GALNTL6: variants seen among roughly 807,000 people sequenced by gnomAD.
The protein encoded by GALNTL6 is polypeptide N-acetylgalactosaminyltransferase-like 6.
Under a neutral mutation model 73.7 loss-of-function variants are expected in GALNTL6, and 46 were observed. That is an observed-to-expected ratio of 0.62 (90% CI 0.49 to 0.80). The LOEUF is 0.80. GALNTL6 is among the 30% of genes least tolerant of loss of function. GALNTL6 has a pLI of 0.00. For missense variants in GALNTL6, 604 were observed against 755.0 expected (o/e 0.80, Z 2.34); for synonymous variants, 259 against 263.7 (o/e 0.98, Z 0.17).
chr4:172,694,051 G>A lies in GALNTL6; in HGVS notation c.554-115310G>A, dbSNP rs141314809. Among the ~76,000 whole-genome samples, 303 of 151,812 alleles carry A rather than the reference G, an allele frequency of 2.0e-3. 2 individuals are homozygous for A. Among genetic ancestry groups the A allele is most frequent in the African/African-American group, 6.7e-3 (279 of 41,352 alleles). ...AACCTTTTCAATGAAATTAGCCTGC[G>A]TACTGAGGGCCAAGAAGTATTGGTT... On this transcript the variant is annotated intron_variant, in intron 5 of 12. Coordinates refer to ENST00000506823, the MANE Select transcript of GALNTL6 (RefSeq NM_001034845.3).
chr4:172,694,705 A>G, intron 5 of GALNTL6, among the ~76,000 whole-genome samples: 1 of 152,222 alleles, frequency 6.6e-6, no homozygotes, highest in East Asian at 1.9e-4. Flanking sequence ...TTATTTCCTC[A>G]TAGCTGAGAT....
At chr4:172,076,016 T>C (rs566270577) in intron 2 of GALNTL6, among the ~76,000 whole-genome samples, 1 of 152,336 alleles carries the variant, frequency 6.6e-6, no homozygotes, top group African/African-American at 2.4e-5. Context: ...TGGTCTCTTT[T>C]GCAGAGAGGC....
At chr4:171,986,396 C>A (rs1048270071) in intron 2 of GALNTL6, among the ~76,000 whole-genome samples, 2 of 152,086 alleles carry the variant, frequency 1.3e-5, no homozygotes, top group Admixed American at 6.6e-5. Context: ...AGGCAGGAAC[C>A]CGCCATCTGG....
chr4:172,750,697 A>G (rs1269236122), intron 5 of GALNTL6, among the ~76,000 whole-genome samples: 1 of 152,236 alleles, frequency 6.6e-6, no homozygotes, highest in Non-Finnish European at 1.5e-5. Flanking sequence ...ATCATAATAG[A>G]CATTGTTATA....
intron 5 of GALNTL6, among the ~76,000 whole-genome samples, chr4:172,748,726 T>C (rs1737253562): frequency 6.6e-6 from 1 of 152,122 alleles, no homozygotes; most frequent in East Asian, 1.9e-4. Context: ...TTAATAATAA[T>C]GTATATTTCA....
intron 5 of GALNTL6, among the ~76,000 whole-genome samples, chr4:172,759,446 T>C (rs1416461242): frequency 6.6e-6 from 1 of 152,254 alleles, no homozygotes; most frequent in Non-Finnish European, 1.5e-5. Flanking sequence ...GTTTTATTTC[T>C]TCAGGCCTAG....
chr4:172,817,625 T>C (rs987646808), intron 7 of GALNTL6, among the ~76,000 whole-genome samples: 1 of 152,174 alleles, frequency 6.6e-6, no homozygotes, highest in African/African-American at 2.4e-5. Flanking sequence ...CTTTTCTGTG[T>C]GACAAAACAT....
intron 5 of GALNTL6, among the ~76,000 whole-genome samples, chr4:172,561,959 G>T (rs1437051951): frequency 6.6e-6 from 1 of 152,138 alleles, no homozygotes; most frequent in Non-Finnish European, 1.5e-5. Context: ...CTCTAGCATT[G>T]AGTTCAGGCA....
chr4:172,364,699 A>G (rs1742492816), intron 5 of GALNTL6, among the ~76,000 whole-genome samples: 1 of 152,200 alleles, frequency 6.6e-6, no homozygotes, highest in Non-Finnish European at 1.5e-5. Context: ...AAGATTCAGA[A>G]CTTTAAACAA....
At chr4:171,996,452 T>C (rs1740487558) in intron 2 of GALNTL6, among the ~76,000 whole-genome samples, 1 of 152,060 alleles carries the variant, frequency 6.6e-6, no homozygotes, top group Admixed American at 6.6e-5. Context: ...AATCAACTAC[T>C]ATTATCCTGT....
intron 2 of GALNTL6, among the ~76,000 whole-genome samples, chr4:172,103,631 A>G (rs1732585995): frequency 6.6e-6 from 1 of 152,214 alleles, no homozygotes; most frequent in African/African-American, 2.4e-5. Context: ...TTCTGGCTTC[A>G]TCTTGAGAAC....
chr4:172,191,590 G>A (rs1735588678), intron 2 of GALNTL6, among the ~76,000 whole-genome samples: 1 of 152,186 alleles, frequency 6.6e-6, no homozygotes, highest in African/African-American at 2.4e-5. Flanking sequence ...GGACTGAAAT[G>A]CATGACTTAA....
intron 2 of GALNTL6, among the ~76,000 whole-genome samples, chr4:172,167,200 A>G (rs1300780829): frequency 1.3e-5 from 2 of 152,204 alleles, no homozygotes; most frequent in African/African-American, 2.4e-5. Flanking sequence ...TAGTGCAATG[A>G]TATTTGTAAA....
intron 5 of GALNTL6, among the ~76,000 whole-genome samples, chr4:172,615,287 A>G (rs1468075775): frequency 6.6e-6 from 1 of 151,414 alleles, no homozygotes; most frequent in Non-Finnish European, 1.5e-5. Context: ...TTTTGACATT[A>G]TATACCTCTT....
intron 2 of GALNTL6, among the ~76,000 whole-genome samples, chr4:172,007,048 A>G (rs903927375): frequency 4.6e-5 from 7 of 152,178 alleles, no homozygotes; most frequent in Admixed American, 1.3e-4. Context: ...TTATTAAGGA[A>G]AATCTTTCCT....
At chr4:172,465,476 CA>C (rs112667012) in intron 5 of GALNTL6, among the ~76,000 whole-genome samples, 5 of 147,484 alleles carry the variant, frequency 3.4e-5, no homozygotes, top group African/African-American at 7.5e-5. Flanking sequence ...GAATCCGTCT[CA>C]AAAAAAGAAA....
chr4:172,336,149 A>AT (rs1367506714), intron 4 of GALNTL6, among the ~76,000 whole-genome samples: 1 of 150,728 alleles, frequency 6.6e-6, no homozygotes, highest in Non-Finnish European at 1.5e-5. Flanking sequence ...TTATGTCTCT[A>AT]TTTTTTATTT....
At position 171,928,773 on chromosome 4, in the gene GALNTL6, G is replaced by A. The variant is rs188349126; in HGVS notation, c.138+114055G>A. On this transcript the variant is annotated intron_variant, in intron 2 of 12. Coordinates refer to ENST00000506823, the MANE Select transcript of GALNTL6 (RefSeq NM_001034845.3). ...CCTACAGTATTGAGTACAGTAACATGCTACAGGCTTGTAGGCTAGGAGCAA... is the reference window on the plus strand; with the variant it reads ...CCTACAGTATTGAGTACAGTAACATACTACAGGCTTGTAGGCTAGGAGCAA... Among the ~76,000 whole-genome samples the A allele has an allele frequency of 1.3e-3, 197 of 152,270 alleles. 1 individual carries two copies. In the Middle Eastern group the frequency reaches 0.017, roughly 13 times the overall value.
At position 172,000,776 on chromosome 4, in the gene GALNTL6, C is replaced by T. The variant is rs1740650932; in HGVS notation, c.138+186058C>T. 1.3e-5 allele frequency among the ~76,000 whole-genome samples: 2 copies of T among 152,122 alleles called. 1 individual carries two copies. The highest frequency in any genetic ancestry group is 4.1e-4 in the South Asian group (2 of 4,836). ...TAGTGCAGTCAATGAGAGATCCAGA[C>T]TATTGGAGGAGCTGCCACCTCATCA... On this transcript the variant is annotated intron_variant, in intron 2 of 12. Transcript: ENST00000506823.
Sources: gnomAD v4.1 joint callset for allele counts (sites outside exome capture counted in the v4.1 genomes callset) on GRCh38, gnomAD v4.1.1 for gene constraint, MANE v1.5 for transcripts, NCBI Gene and HGNC (gene_info 2026-07-23, HGNC 2026-07-21) for gene names.